The following RUNX1 variants were observed in gnomAD, a reference collection of about 807,000 sequenced individuals.
RUNX1 encodes RUNX family transcription factor 1.
A neutral mutation model predicts 42.8 loss-of-function variants in RUNX1; 19 were observed. The observed-to-expected ratio is 0.44, with a 90% CI of 0.31 to 0.65. The LOEUF is 0.65. Among genes scored for constraint, RUNX1 ranks in the 30% least tolerant of loss-of-function variants. RUNX1 has a pLI of 0.07. For synonymous variants in RUNX1, 271 were observed against 289.4 expected (o/e 0.94, Z 0.64); for missense variants, 528 against 672.0 (o/e 0.79, Z 2.37).
At chr21:34,872,771 G>A (rs972245329) in intron 5 of RUNX1, among the ~76,000 whole-genome samples, 39 of 152,102 alleles carry the variant, frequency 2.6e-4, no homozygotes, top group Admixed American at 1.8e-3. Flanking sequence ...ATGGTAGGAC[G>A]TTTAGTAGAT....
At chr21:35,041,905 T>G (rs191800238) in intron 2 of RUNX1, among the ~76,000 whole-genome samples, 1 of 152,300 alleles carries the variant, frequency 6.6e-6, no homozygotes, top group East Asian at 1.9e-4. Context: ...TGAAAGAAGG[T>G]TTCCCTCTTT....
intron 6 of RUNX1, among the ~76,000 whole-genome samples, chr21:34,853,229 G>A (rs1035056855): frequency 7.2e-5 from 11 of 152,138 alleles, no homozygotes; most frequent in Admixed American, 1.3e-4. Flanking sequence ...GCATGGCCAT[G>A]GCTGTGTATT....
chr21:34,815,750 C>T (rs1281220657), intron 7 of RUNX1, among the ~76,000 whole-genome samples: 5 of 151,982 alleles, frequency 3.3e-5, no homozygotes, highest in South Asian at 4.2e-4. Context: ...ACTCTGGGGC[C>T]GAGATGTCTT....
At chr21:34,942,348 G>A (rs974560446) in intron 2 of RUNX1, among the ~76,000 whole-genome samples, 22 of 151,736 alleles carry the variant, frequency 1.4e-4, no homozygotes, top group Non-Finnish European at 2.2e-4. Flanking sequence ...CCTGTACACT[G>A]ATGACTATAC....
In RUNX1 at chr21:34,829,396, C is replaced by G. The variant is rs2057032920; in HGVS notation, c.805+5014G>C. ...AATATTTCATCACTAAGATCAAGCC[C>G]TGCAGTGAATCTCTGCAGTCATCCC... is the stretch of plus-strand genomic sequence containing the variant. On this transcript the variant is annotated intron_variant, in intron 7 of 8. Coordinates refer to ENST00000675419, the MANE Select transcript of RUNX1 (RefSeq NM_001754.5). Among the ~76,000 whole-genome samples the G allele has an allele frequency of 2.0e-5, 3 of 152,170 alleles. No individual in the cohort carries two copies. The South Asian group carries it at 6.2e-4, about 32-fold the overall frequency.
intron 2 of RUNX1, among the ~76,000 whole-genome samples, chr21:34,967,269 A>G (rs919802514): frequency 1.4e-5 from 2 of 138,392 alleles, no homozygotes. Flanking sequence ...GCAGTGAGCC[A>G]AAATCGCATC....
intron 5 of RUNX1, among the ~76,000 whole-genome samples, chr21:34,866,041 C>T (rs1178029609): frequency 1.3e-5 from 2 of 152,190 alleles, no homozygotes; most frequent in Non-Finnish European, 2.9e-5. Flanking sequence ...CCTGAGTTGG[C>T]TCTGCAGCAG....
intron 2 of RUNX1, among the ~76,000 whole-genome samples, chr21:34,981,084 A>T (rs893386984): frequency 1.3e-5 from 2 of 152,226 alleles, no homozygotes; most frequent in African/African-American, 4.8e-5. Flanking sequence ...AGGCTAAAAT[A>T]TCAAAGGAGA....
At chr21:34,813,506 A>G (rs1045310125) in intron 7 of RUNX1, among the ~76,000 whole-genome samples, 11 of 152,188 alleles carry the variant, frequency 7.2e-5, no homozygotes, top group African/African-American at 2.2e-4. Flanking sequence ...GGGTGGCTGC[A>G]GTCATGATGC....
intron 2 of RUNX1, 29 bp downstream of exon 2, chr21:35,048,810 AAGT>A (rs930302602): frequency 6.3e-7 from 1 of 1,589,590 alleles, no homozygotes; most frequent in African/African-American, 1.3e-5. Context: ...AGCTGAGCAA[AAGT>A]AGATATTACA....
chr21:34,941,609 C>G (rs2058527001), intron 2 of RUNX1, among the ~76,000 whole-genome samples: 2 of 152,300 alleles, frequency 1.3e-5, no homozygotes, highest in South Asian at 4.1e-4. Context: ...CATGTTAAGA[C>G]TCTTACTAAA....
Position 34,901,599 on chromosome 21 carries a change from G to A in RUNX1, c.59-8636C>T, listed in dbSNP as rs73201081. The stretch of plus-strand genomic sequence containing the variant: ...AAGACAGAGGTTAAGGGGCCAACGT[G>A]TGGACCCTGGAAAGGGTGTGAGCCC... On this transcript the variant is annotated intron_variant, in intron 2 of 8. Coordinates refer to ENST00000675419, the MANE Select transcript of RUNX1 (RefSeq NM_001754.5). This position sits in a 1 kb window ranked among gnomAD's most constrained non-coding sequence, Gnocchi z 4.3. Among the ~76,000 whole-genome samples the A allele has an allele frequency of 0.013, 2,003 of 152,288 alleles. 24 individuals are homozygous for A. The highest frequency in any genetic ancestry group is 0.019 in the Non-Finnish European group (1,282 of 68,028).
intron 7 of RUNX1, among the ~76,000 whole-genome samples, chr21:34,803,269 C>T (rs1447678564): frequency 1.3e-5 from 2 of 151,994 alleles, no homozygotes; most frequent in Non-Finnish European, 2.9e-5. Flanking sequence ...GATTCAGGGC[C>T]GGGCGCAGTG....
intron 6 of RUNX1, among the ~76,000 whole-genome samples, chr21:34,842,310 T>C (rs571299170): frequency 4.0e-4 from 61 of 151,852 alleles, no homozygotes; most frequent in African/African-American, 1.3e-3. Flanking sequence ...CTGGCCAACA[T>C]TGTGAAACCC....
At position 34,922,285 on chromosome 21, in the gene RUNX1, G is replaced by A. The variant is rs1313815961; in HGVS notation, c.59-29322C>T. Reference sequence around the variant, plus strand: ...GATTGTCAGGAGGGGTTTGGTAGCGGTGGAGAGACCAGAACTGAAGAGAAA... The same window carrying A: ...GATTGTCAGGAGGGGTTTGGTAGCGATGGAGAGACCAGAACTGAAGAGAAA... On this transcript the variant is annotated intron_variant, in intron 2 of 8. Transcript: ENST00000675419. Among the ~76,000 whole-genome samples, 2 of 152,286 alleles carry A rather than the reference G, an allele frequency of 1.3e-5. 1 individual carries two copies. Among genetic ancestry groups the A allele is most frequent in the South Asian group, 4.1e-4 (2 of 4,824 alleles).
At chr21:35,001,773 C>T (rs915921078) in intron 2 of RUNX1, among the ~76,000 whole-genome samples, 1 of 151,898 alleles carries the variant, frequency 6.6e-6, no homozygotes, top group African/African-American at 2.4e-5. Flanking sequence ...AAAATCTGTT[C>T]GATATAATAA....
At chr21:34,857,074 T>A (rs192040246) in intron 6 of RUNX1, among the ~76,000 whole-genome samples, 197 of 152,322 alleles carry the variant, frequency 1.3e-3, no homozygotes, top group African/African-American at 4.4e-3. Flanking sequence ...CTTGGCTTTT[T>A]TCTAGAAGTC....
intron 2 of RUNX1, among the ~76,000 whole-genome samples, chr21:35,014,969 C>T (rs2059149718): frequency 6.6e-6 from 1 of 152,218 alleles, no homozygotes; most frequent in Admixed American, 6.5e-5. Flanking sequence ...GCTGCACAGC[C>T]CACACAGCTG....
chr21:34,824,040 G>A (rs1185954039), intron 7 of RUNX1, among the ~76,000 whole-genome samples: 6 of 152,224 alleles, frequency 3.9e-5, no homozygotes, highest in Admixed American at 3.9e-4. Context: ...TGGTGCCCAG[G>A]ATTGTGGCAT....
Sources: allele counts gnomAD v4.1 joint callset (sites outside exome capture counted in the v4.1 genomes callset), GRCh38; gene constraint gnomAD v4.1.1; non-coding constraint Gnocchi (gnomAD v3.1); transcripts MANE v1.5; gene names NCBI Gene and HGNC (gene_info 2026-07-23, HGNC 2026-07-21).